The following CSMD1 variants were observed in gnomAD, a reference collection of about 807,000 sequenced individuals.
The protein encoded by CSMD1 is CUB and sushi domain-containing protein 1.
CSMD1 carries 213 observed loss-of-function variants against 417.5 expected under a neutral mutation model. The observed-to-expected ratio is 0.51, with a 90% CI of 0.46 to 0.57. The LOEUF (loss-of-function observed/expected upper bound fraction) is 0.57. CSMD1 is among the 20% of genes least tolerant of loss of function. The pLI is 0.00. For synonymous variants in CSMD1, 2,862 were observed against 1,736.8 expected, an observed-to-expected ratio of 1.65 and a Z score of -16.11; for missense variants, 6,923 against 4,529.7, an observed-to-expected ratio of 1.53 and a Z score of -15.17.
At chr8:4,389,298 T>A (rs1426112890) in intron 3 of CSMD1, among the ~76,000 whole-genome samples, 1 of 152,180 alleles carries the variant, frequency 6.6e-6, no homozygotes, top group Non-Finnish European at 1.5e-5. Flanking sequence ...GAAAATGCGA[T>A]CATATAACTA....
At chr8:4,967,158 G>T (rs773436037) in intron 1 of CSMD1, among the ~76,000 whole-genome samples, 1 of 152,102 alleles carries the variant, frequency 6.6e-6, no homozygotes, top group Admixed American at 6.6e-5. Context: ...CTTGTATTCG[G>T]AAAATAATTT....
At chr8:4,074,942 T>C (rs900737143) in intron 3 of CSMD1, among the ~76,000 whole-genome samples, 2 of 152,168 alleles carry the variant, frequency 1.3e-5, no homozygotes, top group African/African-American at 4.8e-5. Context: ...AATTTATTTA[T>C]ATTTTTGTGT....
At chr8:3,862,939 G>A (rs1201706661) in intron 5 of CSMD1, among the ~76,000 whole-genome samples, 2 of 152,118 alleles carry the variant, frequency 1.3e-5, no homozygotes, top group African/African-American at 4.8e-5. Context: ...TTTTTAAACA[G>A]CAGAAATTTA....
Position 3,110,259 on chromosome 8 carries a change from C to A in CSMD1, c.6507G>T (p.Leu2169=), listed in dbSNP as rs747624650. 2.7e-5 allele frequency: 43 copies of A among 1,613,450 alleles called. No homozygotes were observed. The highest frequency in any genetic ancestry group is 3.6e-5 in the Non-Finnish European group (43 of 1,179,698). The change falls in exon 43 of 70, where the codon CTG becomes CTT. Residue 2169 remains leucine (L), a synonymous_variant. Coordinates refer to ENST00000635120, the MANE Select transcript of CSMD1 (RefSeq NM_033225.6). ...SPGFPDEYPI[L]KDCIWLITVP... ...CCGTGATGAGCCAAATGCAGTCCTTCAGGATCGGATACTCATCAGGAAAGC... is the reference window on the plus strand; with the variant it reads ...CCGTGATGAGCCAAATGCAGTCCTTAAGGATCGGATACTCATCAGGAAAGC...
intron 1 of CSMD1, among the ~76,000 whole-genome samples, chr8:4,813,181 G>A (rs905311631): frequency 2.6e-5 from 4 of 152,114 alleles, no homozygotes; most frequent in African/African-American, 4.8e-5. Flanking sequence ...TACACTAAAC[G>A]AAATACTGCA....
At chr8:3,742,906 T>G (rs1372601199) in intron 6 of CSMD1, among the ~76,000 whole-genome samples, 1 of 152,228 alleles carries the variant, frequency 6.6e-6, no homozygotes, top group Non-Finnish European at 1.5e-5. Context: ...AGTATTTCCG[T>G]GCGAATGCGC....
intron 10 of CSMD1, among the ~76,000 whole-genome samples, chr8:3,520,503 A>G (rs1427402193): frequency 6.6e-6 from 1 of 152,318 alleles, no homozygotes; most frequent in African/African-American, 2.4e-5. Flanking sequence ...AATGTTTATT[A>G]TCTTGTCAAT....
intron 5 of CSMD1, among the ~76,000 whole-genome samples, chr8:3,887,279 G>T (rs1806630540): frequency 6.6e-6 from 1 of 152,166 alleles, no homozygotes; most frequent in Admixed American, 6.6e-5. Flanking sequence ...CAACCACCTG[G>T]GAGGCCCACG....
chr8:3,565,892 G>A (rs1426571134), intron 10 of CSMD1, among the ~76,000 whole-genome samples: 1 of 151,942 alleles, frequency 6.6e-6, no homozygotes, highest in African/African-American at 2.4e-5. Context: ...GTTAGAATAA[G>A]GCTCTAGATT....
intron 2 of CSMD1, among the ~76,000 whole-genome samples, chr8:4,480,566 G>A (rs1368876600): frequency 6.6e-6 from 1 of 152,168 alleles, no homozygotes; most frequent in African/African-American, 2.4e-5. Flanking sequence ...TCCTGTTACT[G>A]CAATCAGCAC....
intron 18 of CSMD1, among the ~76,000 whole-genome samples, chr8:3,381,390 G>A (rs138341025): frequency 7.2e-5 from 11 of 152,138 alleles, no homozygotes; most frequent in African/African-American, 2.7e-4. Context: ...AGCCATATGT[G>A]TTTGCATGGC....
chr8:4,139,107 A>C (rs957961367), intron 3 of CSMD1, among the ~76,000 whole-genome samples: 2 of 152,158 alleles, frequency 1.3e-5, no homozygotes, highest in Non-Finnish European at 2.9e-5. Flanking sequence ...ACAGCTACAC[A>C]TGAAGACCCC....
At position 3,412,428 on chromosome 8, in the gene CSMD1, A is replaced by C. The variant is rs138227379; in HGVS notation, c.1562-2823T>G. Among the ~76,000 whole-genome samples, 704 of 152,256 alleles carry C rather than the reference A, an allele frequency of 4.6e-3. 3 individuals are homozygous for C. The highest frequency in any genetic ancestry group is 0.034 in the Middle Eastern group (10 of 294). On this transcript the variant is annotated intron_variant, in intron 12 of 69. Transcript: ENST00000635120. ...GAAGGTCTGCTGTGAGGGATATAGAAACGTTCAGAGGTTGATCCAGAGATG... is the reference window on the plus strand; with the variant it reads ...GAAGGTCTGCTGTGAGGGATATAGACACGTTCAGAGGTTGATCCAGAGATG...
intron 11 of CSMD1, among the ~76,000 whole-genome samples, chr8:3,473,936 A>G (rs1817255886): frequency 6.6e-6 from 1 of 152,172 alleles, no homozygotes; most frequent in Admixed American, 6.6e-5. Flanking sequence ...AGGAGGAGAG[A>G]GCATGTGAGG....
chr8:4,961,611 T>C (rs1489693241), intron 1 of CSMD1, among the ~76,000 whole-genome samples: 2 of 152,226 alleles, frequency 1.3e-5, no homozygotes, highest in Non-Finnish European at 2.9e-5. Flanking sequence ...CTGTGCCGTT[T>C]TGTCGCTCAA....
intron 5 of CSMD1, among the ~76,000 whole-genome samples, chr8:3,794,491 C>T (rs1042698951): frequency 3.3e-5 from 5 of 152,208 alleles, no homozygotes; most frequent in African/African-American, 9.6e-5. Context: ...TTCATAGCTA[C>T]TCTCTGCATT....
chr8:3,946,100 C>G (rs937095413), intron 5 of CSMD1, among the ~76,000 whole-genome samples: 10 of 152,094 alleles, frequency 6.6e-5, no homozygotes, highest in African/African-American at 1.7e-4. Flanking sequence ...AGGACTTTAT[C>G]GCTTGCACCT....
At chr8:4,246,323 T>A (rs1700101) in intron 3 of CSMD1, among the ~76,000 whole-genome samples, 80,343 of 151,932 alleles carry the variant, frequency 0.53, 22,613 homozygotes, top group Middle Eastern at 0.69. Context: ...GGCCTCCACC[T>A]CCATCCACGT....
intron 3 of CSMD1, among the ~76,000 whole-genome samples, chr8:4,195,007 C>A (rs1314382096): frequency 6.6e-6 from 1 of 151,740 alleles, no homozygotes; most frequent in Non-Finnish European, 1.5e-5. Context: ...TTTTCCATCT[C>A]TTCACATTGT....
Sources: allele counts gnomAD v4.1 joint callset (sites outside exome capture counted in the v4.1 genomes callset), GRCh38; gene constraint gnomAD v4.1.1; transcripts MANE v1.5; gene names NCBI Gene and HGNC (gene_info 2026-07-23, HGNC 2026-07-21).